The following KIAA0825 variants were observed in gnomAD, a reference collection of about 807,000 sequenced individuals.
KIAA0825 encodes the protein uncharacterized protein KIAA0825.
Under a neutral mutation model 147.6 loss-of-function variants are expected in KIAA0825, and 119 were observed. The observed-to-expected ratio is 0.81, with a 90% CI of 0.69 to 0.94. The LOEUF (loss-of-function observed/expected upper bound fraction) is 0.94, where lower values mean the gene tolerates loss of function less well. Among genes scored for constraint, KIAA0825 ranks in the 40% least tolerant of loss-of-function variants. The pLI is 0.00. For synonymous variants in KIAA0825, 470 were observed against 518.1 expected (o/e 0.91, Z 1.26); for missense variants, 1,381 against 1,472.7 (o/e 0.94, Z 1.02).
chr5:94,592,659 G>A (rs376150118), intron 1 of KIAA0825: 4 of 262,052 alleles, frequency 1.5e-5, no homozygotes, highest in East Asian at 1.1e-4. Context: ...TACAGTTATC[G>A]TAATGGAAGC....
rs139393278 is a variant in KIAA0825 at position 94,455,626 on chromosome 5, G to A, written c.2247-2557C>T. Among the ~76,000 whole-genome samples, 81 of 152,296 alleles carry A rather than the reference G, an allele frequency of 5.3e-4. 2 individuals are homozygous for A. The East Asian group carries it at 6.0e-3, about 11-fold the overall frequency. Reference sequence around the variant, plus strand: ...ATTAGTAGGAGGTAAATGCAATCAAGAGATCAGGTAAAAAGATTTACTTTA... The same window carrying A: ...ATTAGTAGGAGGTAAATGCAATCAAAAGATCAGGTAAAAAGATTTACTTTA... On this transcript the variant is annotated intron_variant, in intron 12 of 20. Coordinates refer to ENST00000682413, the MANE Select transcript of KIAA0825 (RefSeq NM_001145678.3).
intron 16 of KIAA0825, among the ~76,000 whole-genome samples, chr5:94,399,937 T>C (rs1490443311): frequency 6.6e-6 from 1 of 152,070 alleles, no homozygotes; most frequent in Non-Finnish European, 1.5e-5. Context: ...GATAATGTAA[T>C]TTTTTATTAT....
At chr5:94,434,383 C>T (rs1168873605) in intron 14 of KIAA0825, among the ~76,000 whole-genome samples, 1 of 152,164 alleles carries the variant, frequency 6.6e-6, no homozygotes, top group Non-Finnish European at 1.5e-5. Context: ...TTCTGATGCT[C>T]AGTGAAGTTG....
intron 2 of KIAA0825, among the ~76,000 whole-genome samples, chr5:94,558,963 C>T (rs1777067193): frequency 6.6e-6 from 1 of 152,164 alleles, no homozygotes; most frequent in African/African-American, 2.4e-5. Context: ...ATCCATCATA[C>T]TTCTGCATGA....
At chr5:94,367,836 C>T (rs762767098) in intron 20 of KIAA0825, among the ~76,000 whole-genome samples, 2 of 152,188 alleles carry the variant, frequency 1.3e-5, no homozygotes, top group Non-Finnish European at 2.9e-5. Context: ...CTTATTCTAT[C>T]AGCATCAAAA....
chr5:94,545,022 T>C (rs1004103647), intron 2 of KIAA0825, among the ~76,000 whole-genome samples: 1 of 151,016 alleles, frequency 6.6e-6, no homozygotes, highest in African/African-American at 2.4e-5. Flanking sequence ...GGAAAGACAA[T>C]CTATGCACTT....
chr5:94,336,914 C>T (rs2150313585), intron 20 of KIAA0825, among the ~76,000 whole-genome samples: 1 of 152,188 alleles, frequency 6.6e-6, no homozygotes, highest in East Asian at 1.9e-4. Context: ...AAAAATGGAA[C>T]ATTCTCCAAT....
At chr5:94,294,733 A>C (rs1778059703) in intron 20 of KIAA0825, among the ~76,000 whole-genome samples, 1 of 152,198 alleles carries the variant, frequency 6.6e-6, no homozygotes, top group Non-Finnish European at 1.5e-5. Context: ...ATAAAAAAGA[A>C]TGTTGAATAT....
At chr5:94,207,707 C>T (rs916392514) in intron 20 of KIAA0825, among the ~76,000 whole-genome samples, 13 of 152,152 alleles carry the variant, frequency 8.5e-5, no homozygotes, top group Non-Finnish European at 1.8e-4. Context: ...GCAGACCATA[C>T]TACTTTCAAG....
At chr5:94,250,959 A>G (rs1412120976) in intron 20 of KIAA0825, among the ~76,000 whole-genome samples, 1 of 152,116 alleles carries the variant, frequency 6.6e-6, no homozygotes, top group Non-Finnish European at 1.5e-5. Context: ...GCTACACTGA[A>G]GTAAAGAGTA....
At chr5:94,427,311 A>G (rs759630487) in intron 14 of KIAA0825, among the ~76,000 whole-genome samples, 13 of 151,998 alleles carry the variant, frequency 8.6e-5, no homozygotes, top group Non-Finnish European at 1.6e-4. Flanking sequence ...AGTAGGGAGG[A>G]TTGTTCTAGG....
At chr5:94,577,483 C>CTAAAATTTAGCCCAG (rs1781288303) in intron 2 of KIAA0825, among the ~76,000 whole-genome samples, 2 of 152,192 alleles carry the variant, frequency 1.3e-5, no homozygotes, top group Admixed American at 6.5e-5. Context: ...ATACCAGGGA[C>CTAAAATTTAGCCCAG]ACTTGCTAAA....
chr5:94,237,795 C>T (rs1441665953), intron 20 of KIAA0825, among the ~76,000 whole-genome samples: 1 of 152,086 alleles, frequency 6.6e-6, no homozygotes, highest in Non-Finnish European at 1.5e-5. Flanking sequence ...TTCTTCCTAG[C>T]AAAACAGAAT....
At position 94,222,393 on chromosome 5, in the gene KIAA0825, T is replaced by C. The variant is rs563648999; in HGVS notation, c.3711-68269A>G. Among the ~76,000 whole-genome samples the C allele has an allele frequency of 2.2e-4, 33 of 152,340 alleles. No homozygotes were observed. The South Asian group carries it at 4.4e-3, about 20-fold the overall frequency. ...GTATAATGAAAGGATCAAGGAGTGC[T>C]GTTATTTTTTAAGCAAGTGAGACCA... On this transcript the variant is annotated intron_variant, in intron 20 of 20. Coordinates refer to ENST00000682413, the MANE Select transcript of KIAA0825 (RefSeq NM_001145678.3).
At chr5:94,283,480 C>T (rs1326253297) in intron 20 of KIAA0825, among the ~76,000 whole-genome samples, 1 of 151,952 alleles carries the variant, frequency 6.6e-6, no homozygotes, top group Non-Finnish European at 1.5e-5. Flanking sequence ...GAAATCATGC[C>T]TTGGTTAAGA....
At chr5:94,335,545 A>G (rs1781708016) in intron 20 of KIAA0825, among the ~76,000 whole-genome samples, 1 of 152,092 alleles carries the variant, frequency 6.6e-6, no homozygotes, top group South Asian at 2.1e-4. Flanking sequence ...TCTCACATTA[A>G]TTTTATATGT....
intron 20 of KIAA0825, among the ~76,000 whole-genome samples, chr5:94,242,355 G>A (rs1308393341): frequency 1.3e-5 from 2 of 151,974 alleles, no homozygotes; most frequent in Non-Finnish European, 2.9e-5. Context: ...ATTCCCCGCT[G>A]ATTCATTTGG....
At chr5:94,432,831 G>A (rs556538687) in intron 14 of KIAA0825, among the ~76,000 whole-genome samples, 3 of 152,184 alleles carry the variant, frequency 2.0e-5, no homozygotes, top group Admixed American at 6.5e-5. Flanking sequence ...TTTGAGACCA[G>A]CCTGGGCAAC....
chr5:94,164,547 G>C (rs1767864964), intron 20 of KIAA0825, among the ~76,000 whole-genome samples: 1 of 151,992 alleles, frequency 6.6e-6, no homozygotes, highest in Non-Finnish European at 1.5e-5. Flanking sequence ...GAGTAGCTGG[G>C]ACTACAGACG....
Sources: gnomAD v4.1 joint callset for allele counts (sites outside exome capture counted in the v4.1 genomes callset) on GRCh38, gnomAD v4.1.1 for gene constraint, MANE v1.5 for transcripts, NCBI Gene and HGNC (gene_info 2026-07-23, HGNC 2026-07-21) for gene names.